The following PALLD variants were observed in gnomAD, a reference collection of about 807,000 sequenced individuals.
PALLD encodes palladin.
Under a neutral mutation model 123.5 loss-of-function variants are expected in PALLD, and 61 were observed. The ratio of observed to expected loss-of-function variants is 0.49; its 90% CI spans 0.40 to 0.61. The LOEUF is 0.61. PALLD is among the 20% of genes least tolerant of loss of function. The probability of loss-of-function intolerance (pLI) is 0.00; values close to 1 mark genes in which losing one functional copy is unlikely to be tolerated. For missense variants in PALLD, 1,273 were observed against 1,377.0 expected, an observed-to-expected ratio of 0.92 and a Z score of 1.20; for synonymous variants, 465 against 496.4, an observed-to-expected ratio of 0.94 and a Z score of 0.84.
chr4:168,543,072 A>G lies in PALLD; in HGVS notation c.908+30660A>G, dbSNP rs554845889. ...CTCATGAGCTGATACTGTCTCGTCT[A>G]CTTTATGAGAAAGTATAGCACAGTA... On this transcript the variant is annotated intron_variant, in intron 2 of 21. Coordinates refer to ENST00000505667, the MANE Select transcript of PALLD (RefSeq NM_001166108.2). Among the ~76,000 whole-genome samples, 77 of 152,118 alleles carry G rather than the reference A, an allele frequency of 5.1e-4. 1 individual carries two copies. Among genetic ancestry groups the G allele is most frequent in the Admixed American group, 2.0e-3 (31 of 15,276 alleles).
chr4:168,892,712 GGCATC>G (rs1427389135), intron 11 of PALLD, among the ~76,000 whole-genome samples: 1 of 151,776 alleles, frequency 6.6e-6, no homozygotes, highest in Non-Finnish European at 1.5e-5. Flanking sequence ...AGCCAGGTAA[GGCATC>G]ACTCCAGCTT....
intron 2 of PALLD, among the ~76,000 whole-genome samples, chr4:168,594,344 T>C (rs1323577896): frequency 6.6e-6 from 1 of 152,200 alleles, no homozygotes; most frequent in Non-Finnish European, 1.5e-5. Context: ...AGCTTTACCT[T>C]AGTCGCAAGG....
At position 168,523,800 on chromosome 4, in the gene PALLD, T is replaced by C. The variant is rs895584136; in HGVS notation, c.908+11388T>C. 1.1e-3 allele frequency among the ~76,000 whole-genome samples: 174 copies of C among 152,194 alleles called. 1 individual carries two copies. Among genetic ancestry groups the C allele is most frequent in the Non-Finnish European group, 2.5e-4 (17 of 68,030 alleles). On this transcript the variant is annotated intron_variant, in intron 2 of 21. Coordinates refer to ENST00000505667, the MANE Select transcript of PALLD (RefSeq NM_001166108.2). ...TAGAATTACACATAGTACTAAATTG[T>C]AGGAAGTTTATGCTAAAATTGCCAT...
intron 10 of PALLD, among the ~76,000 whole-genome samples, chr4:168,843,697 G>GA (rs1294526527): frequency 1.3e-5 from 2 of 152,108 alleles, no homozygotes; most frequent in African/African-American, 4.8e-5. Flanking sequence ...GGGTGTTTGA[G>GA]AAAATGGAGA....
At chr4:168,783,182 A>C (rs1581446812) in intron 10 of PALLD, among the ~76,000 whole-genome samples, 1 of 152,016 alleles carries the variant, frequency 6.6e-6, no homozygotes, top group Admixed American at 6.6e-5. Flanking sequence ...TTTAATGGAT[A>C]ATGGCAATAT....
intron 2 of PALLD, among the ~76,000 whole-genome samples, chr4:168,553,137 CACCCAA>C (rs1382503200): frequency 6.6e-6 from 1 of 152,122 alleles, no homozygotes; most frequent in East Asian, 1.9e-4. Context: ...TTAGGTAAGT[CACCCAA>C]GCTTACTTAG....
chr4:168,873,219 T>G (rs1045542529), intron 10 of PALLD, among the ~76,000 whole-genome samples: 35 of 152,142 alleles, frequency 2.3e-4, no homozygotes, highest in African/African-American at 8.2e-4. Context: ...GTCCACCATG[T>G]TTAGTGTTTG....
intron 10 of PALLD, among the ~76,000 whole-genome samples, chr4:168,783,380 G>A (rs772543830): frequency 6.6e-6 from 1 of 152,046 alleles, no homozygotes; most frequent in Non-Finnish European, 1.5e-5. Context: ...ATGTGCACTG[G>A]GACAGTTTGG....
chr4:168,558,986 T>G (rs985225815), intron 2 of PALLD, among the ~76,000 whole-genome samples: 1 of 152,210 alleles, frequency 6.6e-6, no homozygotes, highest in African/African-American at 2.4e-5. Flanking sequence ...ATTACAGGAC[T>G]AGGTTGGAAT....
At chr4:168,915,265 T>C (rs1759868064) in intron 16 of PALLD, among the ~76,000 whole-genome samples, 1 of 152,228 alleles carries the variant, frequency 6.6e-6, no homozygotes, top group African/African-American at 2.4e-5. Context: ...TTTTAAGTCT[T>C]CCCTGCGATT....
At chr4:168,897,280 C>T (rs1433443616) in intron 13 of PALLD, among the ~76,000 whole-genome samples, 1 of 152,190 alleles carries the variant, frequency 6.6e-6, no homozygotes, top group East Asian at 1.9e-4. Context: ...AGCAAAACAA[C>T]TTGTGGTATA....
At chr4:168,619,616 T>C (rs1774561549) in intron 2 of PALLD, among the ~76,000 whole-genome samples, 1 of 152,138 alleles carries the variant, frequency 6.6e-6, no homozygotes, top group South Asian at 2.1e-4. Context: ...TCTTATACTG[T>C]GGTGGGAAAT....
intron 2 of PALLD, among the ~76,000 whole-genome samples, chr4:168,527,754 A>G (rs1407114841): frequency 1.3e-5 from 2 of 152,050 alleles, no homozygotes; most frequent in Non-Finnish European, 2.9e-5. Context: ...TCTTGCCCTG[A>G]GTGGCTGATC....
At chr4:168,752,672 A>T (rs990884681) in intron 10 of PALLD, among the ~76,000 whole-genome samples, 1 of 152,142 alleles carries the variant, frequency 6.6e-6, no homozygotes, top group African/African-American at 2.4e-5. Flanking sequence ...CTTTCAAATG[A>T]TCCTGATAAC....
intron 2 of PALLD, among the ~76,000 whole-genome samples, chr4:168,562,838 A>T (rs979318404): frequency 6.6e-6 from 1 of 152,192 alleles, no homozygotes; most frequent in Admixed American, 6.5e-5. Context: ...CCATTAGATG[A>T]TTCTAAGAGA....
chr4:168,644,619 T>A (rs1777263949), intron 2 of PALLD, among the ~76,000 whole-genome samples: 1 of 152,288 alleles, frequency 6.6e-6, no homozygotes, highest in Admixed American at 6.5e-5. Context: ...AAAAGCCATG[T>A]GGTAGTTGTA....
chr4:168,561,881 A>G (rs1192369554), intron 2 of PALLD, among the ~76,000 whole-genome samples: 1 of 152,170 alleles, frequency 6.6e-6, no homozygotes, highest in Non-Finnish European at 1.5e-5. Context: ...GTGGGAAAAA[A>G]AAGAGCTACC....
chr4:168,890,519 C>G (rs1235527013), intron 10 of PALLD, among the ~76,000 whole-genome samples: 1 of 152,150 alleles, frequency 6.6e-6, no homozygotes, highest in Non-Finnish European at 1.5e-5. Flanking sequence ...TCTCAACATT[C>G]ATATGTGGTA....
At chr4:168,587,340 A>G (rs533116638) in intron 2 of PALLD, among the ~76,000 whole-genome samples, 25 of 152,320 alleles carry the variant, frequency 1.6e-4, no homozygotes, top group African/African-American at 6.0e-4. Flanking sequence ...AAAAATTGAA[A>G]TATTTTTCAC....
Sources: allele counts gnomAD v4.1 joint callset (sites outside exome capture counted in the v4.1 genomes callset), GRCh38; gene constraint gnomAD v4.1.1; transcripts MANE v1.5; gene names NCBI Gene and HGNC (gene_info 2026-07-23, HGNC 2026-07-21).